DCT: variants seen among roughly 807,000 people sequenced by gnomAD.
DCT encodes the protein L-dopachrome tautomerase.
Under a neutral mutation model 53.0 loss-of-function variants are expected in DCT, and 47 were observed. The ratio of observed to expected loss-of-function variants is 0.89; its 90% confidence interval spans 0.70 to 1.13. The LOEUF (loss-of-function observed/expected upper bound fraction) is 1.13, where lower values mean the gene tolerates loss of function less well. DCT is among the 50% of genes most tolerant of loss of function. The probability of loss-of-function intolerance (pLI) is 0.00; values close to 1 mark genes in which losing one functional copy is unlikely to be tolerated. For missense variants in DCT, 669 were observed against 637.4 expected (o/e 1.05, Z -0.53); for synonymous variants, 244 against 237.0 (o/e 1.03, Z -0.27).
At chr13:94,455,513 C>T (rs1396420878) in intron 6 of DCT, among the ~76,000 whole-genome samples, 2 of 152,090 alleles carry the variant, frequency 1.3e-5, no homozygotes, top group Non-Finnish European at 2.9e-5. Flanking sequence ...GAGCCTACAA[C>T]CTGTTTTTGT....
chr13:94,448,694 G>A (rs1356359032), intron 6 of DCT, among the ~76,000 whole-genome samples: 2 of 152,152 alleles, frequency 1.3e-5, no homozygotes, highest in Non-Finnish European at 1.5e-5. Flanking sequence ...CCCGAGGTCA[G>A]GAGTTCGAGA....
At chr13:94,479,761 G>T (rs529379257), upstream of DCT, 1 of 155,134 alleles carries the variant, frequency 6.4e-6, no homozygotes, top group African/African-American at 2.4e-5. Flanking sequence ...GTAAGGGCTG[G>T]GAGAAGCCTT....
the DCT span, among the ~76,000 whole-genome samples, chr13:94,516,210 C>A: frequency 6.6e-6 from 1 of 151,860 alleles, no homozygotes. Context: ...ATATTGTAAG[C>A]CTGAATTTTC....
At chr13:94,521,731 G>A in the DCT span, among the ~76,000 whole-genome samples, 2 of 148,468 alleles carry the variant, frequency 1.3e-5, no homozygotes, top group Admixed American at 1.3e-4. Flanking sequence ...TGCTGCTTTT[G>A]TTGTTGTTAA....
chr13:94,482,881 T>C (rs1420741806), upstream of DCT, among the ~76,000 whole-genome samples: 3 of 152,188 alleles, frequency 2.0e-5, no homozygotes, highest in East Asian at 5.8e-4. Context: ...CTACAACCCA[T>C]GAACTCCCCC....
At chr13:94,440,169 C>T (rs1320453398) in intron 7 of DCT, 93 bp from the exon 8 acceptor site, 3 of 1,018,106 alleles carry the variant, frequency 2.9e-6, no homozygotes, top group Non-Finnish European at 4.3e-6. Flanking sequence ...CTTTCACGTG[C>T]TTTTTGTTGA....
At chr13:94,456,336 C>T (rs1883412401) in intron 6 of DCT, among the ~76,000 whole-genome samples, 1 of 152,112 alleles carries the variant, frequency 6.6e-6, no homozygotes, top group Admixed American at 6.5e-5. Flanking sequence ...TACTTCACAC[C>T]CATCAGGCAA....
chr13:94,518,537 A>G, the DCT span, among the ~76,000 whole-genome samples: 1 of 152,316 alleles, frequency 6.6e-6, no homozygotes, highest in South Asian at 2.1e-4. Context: ...CCCTTGATGA[A>G]TCCATCATCA....
the DCT span, among the ~76,000 whole-genome samples, chr13:94,534,950 C>T: frequency 6.6e-6 from 1 of 152,164 alleles, no homozygotes; most frequent in African/African-American, 2.4e-5. Context: ...GCTAAGTTGC[C>T]CAGGCTGGTC....
the DCT span, among the ~76,000 whole-genome samples, chr13:94,504,030 T>C: frequency 6.6e-6 from 1 of 152,222 alleles, no homozygotes. Flanking sequence ...AACTCATTTA[T>C]CAAAGTGAAG....
At chr13:94,530,350 C>G in the DCT span, among the ~76,000 whole-genome samples, 1 of 152,106 alleles carries the variant, frequency 6.6e-6, no homozygotes, top group Non-Finnish European at 1.5e-5. Context: ...AGAGAATTTT[C>G]AGCCAATATC....
chr13:94,490,281 G>A, the DCT span, among the ~76,000 whole-genome samples: 16 of 151,916 alleles, frequency 1.1e-4, no homozygotes, highest in Non-Finnish European at 1.9e-4. Flanking sequence ...GAGGTGAGTG[G>A]ATCACCTGAG....
chr13:94,466,194 AAG>A (rs1039602670), intron 3 of DCT, among the ~76,000 whole-genome samples: 3 of 151,524 alleles, frequency 2.0e-5, no homozygotes, highest in Non-Finnish European at 4.4e-5. Context: ...AAAAAAGAAA[AAG>A]AGTGAATACA....
At chr13:94,495,205 T>A in the DCT span, among the ~76,000 whole-genome samples, 1 of 152,206 alleles carries the variant, frequency 6.6e-6, no homozygotes, top group Non-Finnish European at 1.5e-5. Flanking sequence ...CAAGCCATCC[T>A]CCCAGCTCAG....
chr13:94,470,457 A>G (rs1181019420), intron 1 of DCT, among the ~76,000 whole-genome samples: 4 of 152,208 alleles, frequency 2.6e-5, no homozygotes, highest in African/African-American at 9.6e-5. Flanking sequence ...CTTCCAACTT[A>G]TTGCCTTTGG....
At chr13:94,441,049 C>A (rs1215478112) in intron 7 of DCT, among the ~76,000 whole-genome samples, 2 of 152,094 alleles carry the variant, frequency 1.3e-5, no homozygotes, top group African/African-American at 2.4e-5. Context: ...CCTTGGCCAA[C>A]TGTTCTTAAA....
At chr13:94,465,600 T>C in intron 4 of DCT, 33 bp downstream of exon 4, 1 of 1,604,850 alleles carries the variant, frequency 6.2e-7, no homozygotes, top group East Asian at 2.2e-5. Flanking sequence ...AAAGACAATC[T>C]CTGGATGCCA....
intron 1 of DCT, among the ~76,000 whole-genome samples, chr13:94,471,923 T>G (rs1338490625): frequency 1.3e-5 from 2 of 152,182 alleles, no homozygotes; most frequent in African/African-American, 4.8e-5. Context: ...TTGCAGAGTG[T>G]GGGGGAGAAG....
intron 7 of DCT, among the ~76,000 whole-genome samples, chr13:94,440,554 A>G (rs1208043434): frequency 1.3e-5 from 2 of 151,948 alleles, no homozygotes; most frequent in Non-Finnish European, 2.9e-5. Flanking sequence ...CAAGCAGATG[A>G]TATTTATACC....
Sources: allele counts gnomAD v4.1 joint callset (sites outside exome capture counted in the v4.1 genomes callset), GRCh38; gene constraint gnomAD v4.1.1; transcripts MANE v1.5; gene names NCBI Gene and HGNC (gene_info 2026-07-23, HGNC 2026-07-21).